Variants in USP10 observed in about 807,000 individuals in gnomAD.
USP10 encodes the protein ubiquitin specific peptidase 10.
A neutral mutation model predicts 84.5 loss-of-function variants in USP10; 22 were observed. The observed-to-expected ratio is 0.26, with a 90% CI of 0.19 to 0.37. The LOEUF is 0.37. Among genes scored for constraint, USP10 ranks in the 10% least tolerant of loss-of-function variants. The pLI is 1.00. For synonymous variants in USP10, 454 were observed against 387.6 expected, an observed-to-expected ratio of 1.17 and a Z score of -2.01; for missense variants, 1,019 against 998.9, an observed-to-expected ratio of 1.02 and a Z score of -0.27.
In USP10 at chr16:84,764,231, T is replaced by C; in HGVS notation, c.1800T>C (p.Thr600=). 6 of 1,614,044 alleles carry C rather than the reference T, an allele frequency of 3.7e-6. No homozygotes were observed. Among genetic ancestry groups the C allele is most frequent in the Non-Finnish European group, 4.2e-6 (5 of 1,179,898 alleles). The change falls in exon 10 of 14, where the codon ACT becomes ACC. Residue 600 remains threonine, a synonymous_variant. Transcript: ENST00000219473. ...CCCGCCAGGCGGATTTTGTTCAGAC[T>C]CCAATCACCGGCATTTTTGGTGGAC... ...SVTRQADFVQ[T]PITGIFGGHI...
chr16:84,706,157 A>C (rs1485271349), intron 1 of USP10, among the ~76,000 whole-genome samples: 1 of 152,282 alleles, frequency 6.6e-6, no homozygotes, highest in South Asian at 2.1e-4. Flanking sequence ...TACTGGGATT[A>C]CAGGTGTGAG....
rs181787718 is a variant in USP10 at position 84,774,662 on chromosome 16, T to G, written c.2144-498T>G. ...ATTTTTTGTATTTTTAATAGAGACG[T>G]GGTTTCACTGTATTAGCCAGGATGG... On this transcript the variant is annotated intron_variant, in intron 12 of 13. Coordinates refer to ENST00000219473, the MANE Select transcript of USP10 (RefSeq NM_005153.3). 3.6e-3 allele frequency among the ~76,000 whole-genome samples: 554 copies of G among 152,026 alleles called. 3 individuals carry two copies. Among genetic ancestry groups the G allele is most frequent in the African/African-American group, 0.011 (474 of 41,480 alleles).
intron 8 of USP10, among the ~76,000 whole-genome samples, chr16:84,761,075 G>A (rs529540115): frequency 5.3e-5 from 8 of 152,280 alleles, no homozygotes; most frequent in African/African-American, 1.4e-4. Context: ...GCAGCTTTTG[G>A]TATTGGCTTG....
chr16:84,725,870 T>TC (rs1908403180), intron 1 of USP10, among the ~76,000 whole-genome samples: 2 of 152,216 alleles, frequency 1.3e-5, no homozygotes, highest in Non-Finnish European at 2.9e-5. Flanking sequence ...TTTTCATGTT[T>TC]CCCCAAATTG....
At chr16:84,757,049 G>T (rs1280932749) in intron 4 of USP10, among the ~76,000 whole-genome samples, 1 of 152,106 alleles carries the variant, frequency 6.6e-6, no homozygotes, top group Non-Finnish European at 1.5e-5. Context: ...TGTAAAATGG[G>T]GTTGGTAACT....
intron 3 of USP10, among the ~76,000 whole-genome samples, chr16:84,744,133 A>G (rs906241403): frequency 2.6e-5 from 4 of 151,358 alleles, no homozygotes; most frequent in Admixed American, 2.0e-4. Context: ...TCTCCTATCC[A>G]GTATGTATAG....
chr16:84,775,782 T>A (rs1027799524), intron 13 of USP10, among the ~76,000 whole-genome samples: 3 of 152,224 alleles, frequency 2.0e-5, no homozygotes, highest in African/African-American at 7.2e-5. Context: ...TTGAGACCTC[T>A]TCTGTCTCCT....
At chr16:84,710,551 T>C (rs1049955533) in intron 1 of USP10, among the ~76,000 whole-genome samples, 4 of 152,158 alleles carry the variant, frequency 2.6e-5, no homozygotes, top group East Asian at 3.9e-4. Flanking sequence ...TAGGGACATA[T>C]TCCCTTTATT....
chr16:84,774,101 T>G (rs1228050794), intron 12 of USP10, among the ~76,000 whole-genome samples: 1 of 151,962 alleles, frequency 6.6e-6, no homozygotes, highest in Non-Finnish European at 1.5e-5. Flanking sequence ...AACACAAAAA[T>G]TAGCCTAGCA....
intron 11 of USP10, among the ~76,000 whole-genome samples, chr16:84,768,765 G>C (rs1346501334): frequency 6.6e-6 from 1 of 152,172 alleles, no homozygotes; most frequent in African/African-American, 2.4e-5. Context: ...TTTTGCATTT[G>C]ATTGTAGATC....
chr16:84,726,326 A>T (rs1029175877), intron 1 of USP10, among the ~76,000 whole-genome samples: 1 of 152,212 alleles, frequency 6.6e-6, no homozygotes, highest in African/African-American at 2.4e-5. Context: ...TGAACATTAG[A>T]CATCTTTTCT....
chr16:84,732,508 G>C, intron 1 of USP10: 1 of 383,630 alleles, frequency 2.6e-6, no homozygotes, highest in Non-Finnish European at 5.1e-6. Context: ...GTGCGGTGGC[G>C]CGATCTCAGC....
At chr16:84,777,195 C>G (rs1372938446) in intron 13 of USP10, among the ~76,000 whole-genome samples, 10 of 152,168 alleles carry the variant, frequency 6.6e-5, no homozygotes, top group Admixed American at 5.9e-4. Context: ...GGGGGGCTTG[C>G]AGGTGTGAGT....
intron 1 of USP10, among the ~76,000 whole-genome samples, chr16:84,721,150 C>T (rs1907754985): frequency 6.6e-6 from 1 of 151,226 alleles, no homozygotes; most frequent in African/African-American, 2.4e-5. Flanking sequence ...CCTGGGCCTC[C>T]CAAAGTGCTG....
intron 12 of USP10, 44 bp downstream of exon 12, chr16:84,772,729 C>A (rs1007538574): frequency 1.9e-6 from 3 of 1,606,764 alleles, no homozygotes; most frequent in East Asian, 2.2e-5. Flanking sequence ...TGACACACTC[C>A]TGCACATCAG....
intron 1 of USP10, among the ~76,000 whole-genome samples, chr16:84,711,911 G>C (rs929966271): frequency 1.3e-5 from 2 of 151,990 alleles, no homozygotes; most frequent in South Asian, 2.1e-4. Context: ...GCAGAGACGG[G>C]GTTTCACCAT....
chr16:84,717,686 T>A (rs1907225913), intron 1 of USP10, among the ~76,000 whole-genome samples: 1 of 152,190 alleles, frequency 6.6e-6, no homozygotes, highest in South Asian at 2.1e-4. Flanking sequence ...GGGCCTGTGC[T>A]GGATAGTAAC....
chr16:84,714,118 C>T (rs1263122258), intron 1 of USP10, among the ~76,000 whole-genome samples: 1 of 152,048 alleles, frequency 6.6e-6, no homozygotes, highest in South Asian at 2.1e-4. Flanking sequence ...GAGGGGTGAG[C>T]ACAGAGGCGG....
rs540593831 is a variant in USP10, at chr16:84,769,816, C to A, written c.1998+1458C>A. On this transcript the variant is annotated intron_variant, in intron 11 of 13. Transcript: ENST00000219473. ...TGCTTCTGCTGCAATTACAGTTTGA[C>A]TTTGCTGGGGTGGGCTGGTAGGGGT... Among the ~76,000 whole-genome samples the A allele has an allele frequency of 5.3e-5, 8 of 151,838 alleles. No individual in the cohort carries two copies. The East Asian group carries it at 1.4e-3, about 26-fold the overall frequency.
Sources: allele counts gnomAD v4.1 joint callset (sites outside exome capture counted in the v4.1 genomes callset), GRCh38; gene constraint gnomAD v4.1.1; transcripts MANE v1.5; gene names NCBI Gene and HGNC (gene_info 2026-07-23, HGNC 2026-07-21).